Variants in HS6ST2 observed in about 807,000 individuals in gnomAD.
HS6ST2 encodes the protein heparan-sulfate 6-O-sulfotransferase 2.
A neutral mutation model predicts 33.0 loss-of-function variants in HS6ST2; 17 were observed. That is an observed-to-expected ratio of 0.52 (90% CI 0.35 to 0.77). The LOEUF (loss-of-function observed/expected upper bound fraction) is 0.77. HS6ST2 is among the 30% of genes least tolerant of loss of function. The pLI is 0.01. For missense variants in HS6ST2, 519 were observed against 551.7 expected, an observed-to-expected ratio of 0.94 and a Z score of 0.59; for synonymous variants, 248 against 237.1, an observed-to-expected ratio of 1.05 and a Z score of -0.42.
At chrX:132,831,252 C>T (rs2065587163) in intron 2 of HS6ST2, among the ~76,000 whole-genome samples, 1 of 111,113 alleles carries the variant, frequency 9.0e-6, no homozygotes, top group Admixed American at 9.6e-5. Context: ...GAAAACAACT[C>T]TGAAATACTG....
chrX:132,648,996 C>T (rs2063668039), intron 4 of HS6ST2, among the ~76,000 whole-genome samples: 1 of 112,289 alleles, frequency 8.9e-6, no homozygotes, highest in African/African-American at 3.2e-5. Context: ...CTCGGCATAT[C>T]AATCGTGTTT....
Position 132,816,660 on chromosome X carries a change from T to C in HS6ST2, c.948-108166A>G, listed in dbSNP as rs1239263520. On this transcript the variant is annotated intron_variant, in intron 2 of 4. Coordinates refer to ENST00000370833, the MANE Select transcript of HS6ST2 (RefSeq NM_001394073.1). ...GCTTATAATTAGCTCATGCATCTGA[T>C]TGACTTAGGAAAAAAGAGAAAAAAA... 6.3e-5 allele frequency among the ~76,000 whole-genome samples: 7 copies of C among 111,965 alleles called. No individual in the cohort carries two copies. The East Asian group carries it at 1.4e-3, about 23-fold the overall frequency.
chrX:132,957,092 G>T lies in HS6ST2; in HGVS notation c.663C>A (p.Phe221Leu). The T allele has an allele frequency of 8.3e-7, 1 of 1,211,707 alleles. No homozygotes were observed. Among genetic ancestry groups the T allele is most frequent in the Non-Finnish European group, 1.1e-6 (1 of 895,471 alleles). ...TRGDLLRKVD[F>L]DIKGDDLIVF... ...CGATCAGGTCATCGCCCTTGATGTCGAAGTCTACCTTGCGCAGGAGGTCGC... is the reference window on the plus strand; with the variant it reads ...CGATCAGGTCATCGCCCTTGATGTCTAAGTCTACCTTGCGCAGGAGGTCGC... Residue 221 changes from phenylalanine (F) to leucine (L), a missense_variant, in exon 2 of 5, where the codon TTC (phenylalanine) becomes TTA (leucine). Physicochemically the swap from Phe to Leu is conservative, Grantham distance 22. Coordinates refer to ENST00000370833, the MANE Select transcript of HS6ST2 (RefSeq NM_001394073.1).
intron 2 of HS6ST2, among the ~76,000 whole-genome samples, chrX:132,763,270 GTCTA>G (rs1312038027): frequency 1.1e-4 from 12 of 112,324 alleles, no homozygotes; most frequent in African/African-American, 3.2e-4. Context: ...AAAATGTAGT[GTCTA>G]TCTATTTCCC....
At chrX:132,864,259 A>G (rs2065945168) in intron 2 of HS6ST2, among the ~76,000 whole-genome samples, 1 of 109,826 alleles carries the variant, frequency 9.1e-6, no homozygotes, top group Admixed American at 9.9e-5. Context: ...ACATGGACGA[A>G]TTGACAGAAG....
chrX:132,850,876 A>C (rs2065795404), intron 2 of HS6ST2, among the ~76,000 whole-genome samples: 1 of 111,718 alleles, frequency 9.0e-6, no homozygotes, highest in African/African-American at 3.3e-5. Context: ...CTTCTCAAGC[A>C]CTAGATGTTG....
intron 2 of HS6ST2, among the ~76,000 whole-genome samples, chrX:132,809,246 C>A (rs1442657318): frequency 9.0e-6 from 1 of 111,639 alleles, no homozygotes; most frequent in African/African-American, 3.3e-5. Flanking sequence ...GCCTCAGCCT[C>A]CGAAAGTGCT....
intron 2 of HS6ST2, among the ~76,000 whole-genome samples, chrX:132,734,363 T>C (rs1227584621): frequency 9.2e-6 from 1 of 109,133 alleles, no homozygotes; most frequent in East Asian, 2.9e-4. Context: ...GAAATCCCAG[T>C]TAGAGAGAGG....
intron 2 of HS6ST2, among the ~76,000 whole-genome samples, chrX:132,838,501 G>A (rs1050210250): frequency 1.8e-5 from 2 of 111,860 alleles, no homozygotes; most frequent in African/African-American, 3.3e-5. Context: ...ATAAATTATA[G>A]TATCTGAATT....
At chrX:132,700,450 T>C (rs1177198069) in intron 3 of HS6ST2, among the ~76,000 whole-genome samples, 1 of 110,248 alleles carries the variant, frequency 9.1e-6, no homozygotes, top group African/African-American at 3.3e-5. Flanking sequence ...GAGGAAATCT[T>C]TCAGTTCCGA....
chrX:132,882,040 G>C (rs1032491724), intron 2 of HS6ST2, among the ~76,000 whole-genome samples: 1 of 111,728 alleles, frequency 9.0e-6, no homozygotes, highest in Non-Finnish European at 1.9e-5. Flanking sequence ...TTGTAGTATA[G>C]TTTGATGTCA....
chrX:132,839,290 A>ATATATATATACACATATGTATG (rs1266941591), intron 2 of HS6ST2, among the ~76,000 whole-genome samples: 1 of 40,310 alleles, frequency 2.5e-5, no homozygotes, highest in African/African-American at 1.5e-4. Context: ...ATATATATAT[A>ATATATATATACACATATGTATG]TATATATATA....
intron 1 of HS6ST2, 139 bp from the exon 2 acceptor site, chrX:132,957,465 G>A (rs978956212): frequency 7.5e-6 from 5 of 664,443 alleles, no homozygotes; most frequent in Non-Finnish European, 1.1e-5. Context: ...CACGGCGGCG[G>A]CGGCTGCGGC....
At chrX:132,736,559 A>G (rs780933287) in intron 2 of HS6ST2, among the ~76,000 whole-genome samples, 1 of 111,716 alleles carries the variant, frequency 9.0e-6, no homozygotes, top group South Asian at 3.8e-4. Flanking sequence ...GGTGGTATGT[A>G]GTAGCGCAGA....
At chrX:132,910,458 G>A (rs1167665506) in intron 2 of HS6ST2, among the ~76,000 whole-genome samples, 2 of 111,668 alleles carry the variant, frequency 1.8e-5, no homozygotes. Context: ...TTCTCAGTGA[G>A]CAATGTAAAG....
chrX:132,828,187 G>A (rs2065543949), intron 2 of HS6ST2, among the ~76,000 whole-genome samples: 1 of 110,797 alleles, frequency 9.0e-6, no homozygotes, highest in African/African-American at 3.3e-5. Context: ...AGCATTTGGG[G>A]GTGGGGGTGT....
At chrX:132,725,279 G>A (rs2064380714) in intron 2 of HS6ST2, among the ~76,000 whole-genome samples, 1 of 111,660 alleles carries the variant, frequency 9.0e-6, no homozygotes, top group African/African-American at 3.2e-5. Flanking sequence ...CATTACAAGT[G>A]ATTAATAAAC....
intron 2 of HS6ST2, among the ~76,000 whole-genome samples, chrX:132,865,814 T>C (rs1423995791): frequency 9.0e-6 from 1 of 111,581 alleles, no homozygotes; most frequent in Admixed American, 9.5e-5. Flanking sequence ...CGCCCACTTT[T>C]TGATGGGGTT....
intron 2 of HS6ST2, among the ~76,000 whole-genome samples, chrX:132,840,897 G>A (rs1208287838): frequency 8.9e-6 from 1 of 112,295 alleles, no homozygotes; most frequent in Non-Finnish European, 1.9e-5. Context: ...AACTTCACAG[G>A]GGTGGTTCAT....
Sources: allele counts gnomAD v4.1 joint callset (sites outside exome capture counted in the v4.1 genomes callset), GRCh38; gene constraint gnomAD v4.1.1; transcripts MANE v1.5; gene names NCBI Gene and HGNC (gene_info 2026-07-23, HGNC 2026-07-21).